The following DLEU7 variants were observed in gnomAD, a reference collection of about 807,000 sequenced individuals.
DLEU7 encodes deleted in lymphocytic leukemia 7.
Under a neutral mutation model 16.0 loss-of-function variants are expected in DLEU7, and 17 were observed. That is an observed-to-expected ratio of 1.06 (90% CI 0.73 to 1.59). The LOEUF is 1.59. Ranked by LOEUF, DLEU7 falls within the 40% of genes most tolerant of loss-of-function variation. The pLI, the probability that DLEU7 is intolerant of heterozygous loss-of-function variation, is 0.00. For missense variants in DLEU7, 308 were observed against 314.9 expected (o/e 0.98, Z 0.17); for synonymous variants, 113 against 139.8 (o/e 0.81, Z 1.35).
At chr13:50,723,660 C>CT (rs1193867781) in intron 1 of DLEU7, among the ~76,000 whole-genome samples, 2 of 151,918 alleles carry the variant, frequency 1.3e-5, no homozygotes, top group South Asian at 2.1e-4. Flanking sequence ...TCTCTGGTGT[C>CT]TTTTTTTATA....
At chr13:50,751,136 A>G (rs1874552132) in intron 1 of DLEU7, among the ~76,000 whole-genome samples, 1 of 152,172 alleles carries the variant, frequency 6.6e-6, no homozygotes, top group Non-Finnish European at 1.5e-5. Context: ...AGCTTTAATC[A>G]CAAAGGGATG....
At position 50,767,624 on chromosome 13, in the gene DLEU7, G is replaced by A. The variant is rs513352; in HGVS notation, c.460-54384C>T. The stretch of plus-strand genomic sequence containing the variant: ...CAGTGGAGCTCTAGCACCTGGGACA[G>A]CTATTGTAGGACTCTGGAAGTTGGA... On this transcript the variant is annotated intron_variant, in intron 1 of 1. Coordinates refer to the DLEU7 transcript ENST00000400393. Among the ~76,000 whole-genome samples, 1,222 of 152,246 alleles carry A rather than the reference G, an allele frequency of 8.0e-3. 14 individuals are homozygous for A. The highest frequency in any genetic ancestry group is 0.027 in the African/African-American group (1,116 of 41,512).
Position 50,732,638 on chromosome 13 carries a change from T to C in DLEU7, c.460-19398A>G, listed in dbSNP as rs571028956. Among the ~76,000 whole-genome samples, 6 of 145,178 alleles carry C rather than the reference T, an allele frequency of 4.1e-5. No homozygotes were observed. In the South Asian group the frequency reaches 1.3e-3, roughly 31 times the overall value. ...AAAAAAAAAAAAAAGCTTATGTGCTTATGTTCAATGGTATGCAAGACTTGA... is the reference window on the plus strand; with the variant it reads ...AAAAAAAAAAAAAAGCTTATGTGCTCATGTTCAATGGTATGCAAGACTTGA... On this transcript the variant is annotated intron_variant, in intron 1 of 1. Transcript: ENST00000400393.
chr13:50,756,272 G>A (rs1238341318), intron 1 of DLEU7, among the ~76,000 whole-genome samples: 1 of 152,164 alleles, frequency 6.6e-6, no homozygotes, highest in Admixed American at 6.5e-5. Flanking sequence ...CGGGGCCCTA[G>A]AACTCCCAAG....
chr13:50,770,253 T>A (rs1306885561), intron 1 of DLEU7, among the ~76,000 whole-genome samples: 1 of 152,196 alleles, frequency 6.6e-6, no homozygotes, highest in Admixed American at 6.5e-5. Flanking sequence ...CTTAATTGAA[T>A]ACCCTTAATT....
At chr13:50,795,461 G>A (rs1876086383) in intron 1 of DLEU7, among the ~76,000 whole-genome samples, 1 of 152,212 alleles carries the variant, frequency 6.6e-6, no homozygotes, top group African/African-American at 2.4e-5. Flanking sequence ...CTTCATTCCA[G>A]CAAGTTCTGT....
intron 1 of DLEU7, among the ~76,000 whole-genome samples, chr13:50,835,595 T>C (rs1365629316): frequency 1.3e-5 from 2 of 152,178 alleles, no homozygotes; most frequent in South Asian, 4.1e-4. Context: ...ATTTGAAAGA[T>C]ATTCAAGGCA....
intron 1 of DLEU7, among the ~76,000 whole-genome samples, chr13:50,745,059 A>C (rs1343233280): frequency 1.3e-5 from 2 of 152,132 alleles, no homozygotes; most frequent in East Asian, 3.8e-4. Context: ...CAGTAATTTC[A>C]CTCCTAGGTG....
chr13:50,817,573 T>A (rs1317992666), intron 1 of DLEU7, among the ~76,000 whole-genome samples: 1 of 152,078 alleles, frequency 6.6e-6, no homozygotes, highest in Non-Finnish European at 1.5e-5. Flanking sequence ...ATCTACAAGA[T>A]TTGTACTCCT....
intron 1 of DLEU7, among the ~76,000 whole-genome samples, chr13:50,792,767 C>T (rs1037517318): frequency 1.3e-5 from 2 of 152,106 alleles, no homozygotes; most frequent in African/African-American, 2.4e-5. Flanking sequence ...CTCCCTTACC[C>T]AATCAATTTA....
chr13:50,761,729 G>A (rs1309667543), intron 1 of DLEU7, among the ~76,000 whole-genome samples: 2 of 152,122 alleles, frequency 1.3e-5, no homozygotes, highest in African/African-American at 2.4e-5. Flanking sequence ...CATCTGGTGA[G>A]GCTGAATTCT....
At chr13:50,760,394 C>T (rs1874894492) in intron 1 of DLEU7, among the ~76,000 whole-genome samples, 1 of 152,146 alleles carries the variant, frequency 6.6e-6, no homozygotes, top group Admixed American at 6.5e-5. Context: ...CAGGGTCTCA[C>T]TCTGTTGCCC....
intron 1 of DLEU7, among the ~76,000 whole-genome samples, chr13:50,776,403 C>G (rs1875495845): frequency 6.6e-6 from 1 of 152,236 alleles, no homozygotes; most frequent in South Asian, 2.1e-4. Flanking sequence ...AGGATTCCTG[C>G]ACCTTTGTGA....
At chr13:50,840,568 A>G (rs1877620058) in intron 1 of DLEU7, among the ~76,000 whole-genome samples, 1 of 152,172 alleles carries the variant, frequency 6.6e-6, no homozygotes, top group African/African-American at 2.4e-5. Context: ...ATACTTCTAG[A>G]AAGTGGAAGC....
downstream of DLEU7, chr13:50,711,889 T>C (rs1414753555): frequency 6.6e-6 from 1 of 151,714 alleles, no homozygotes; most frequent in Non-Finnish European, 1.5e-5. Context: ...AGGATTTTTT[T>C]TTTTTTTTTC....
chr13:50,826,719 A>G (rs960542460), intron 1 of DLEU7, among the ~76,000 whole-genome samples: 1 of 152,222 alleles, frequency 6.6e-6, no homozygotes, highest in African/African-American at 2.4e-5. Context: ...CATAGGGAGA[A>G]CAAGTTAAGT....
chr13:50,729,884 G>T (rs989778729), intron 1 of DLEU7, among the ~76,000 whole-genome samples: 1 of 152,058 alleles, frequency 6.6e-6, no homozygotes, highest in African/African-American at 2.4e-5. Context: ...TAATGGGGTT[G>T]TGTGTGTTCT....
At chr13:50,721,045 C>G (rs1300778553) in intron 1 of DLEU7, among the ~76,000 whole-genome samples, 1 of 152,168 alleles carries the variant, frequency 6.6e-6, no homozygotes, top group Non-Finnish European at 1.5e-5. Flanking sequence ...GAGAGGCTGA[C>G]CCAGCTGCAA....
intron 1 of DLEU7, among the ~76,000 whole-genome samples, chr13:50,797,972 A>G (rs759506437): frequency 2.0e-5 from 3 of 152,214 alleles, no homozygotes; most frequent in Non-Finnish European, 2.9e-5. Flanking sequence ...TTAGGGAAAC[A>G]TATTAACTAA....
Sources: gnomAD v4.1 joint callset for allele counts (sites outside exome capture counted in the v4.1 genomes callset) on GRCh38, gnomAD v4.1.1 for gene constraint, MANE v1.5 for transcripts, NCBI Gene and HGNC (gene_info 2026-07-23, HGNC 2026-07-21) for gene names.